The following NBPF10 variants were observed in gnomAD, a reference collection of about 807,000 sequenced individuals.
NBPF10 encodes the protein NBPF member 10.
A neutral mutation model predicts 77.9 loss-of-function variants in NBPF10; 63 were observed. The observed-to-expected ratio is 0.81, with a 90% confidence interval of 0.66 to 1.00. The LOEUF is 1.00. Among genes scored for constraint, NBPF10 ranks in the 50% least tolerant of loss-of-function variants. NBPF10 has a pLI of 0.00. For missense variants in NBPF10, 522 were observed against 679.8 expected (o/e 0.77, Z 2.58); for synonymous variants, 146 against 264.5 (o/e 0.55, Z 4.35).
At chr1:146,134,345 C>G (rs1659490651) in intron 8 of NBPF10, 80 bp from the exon 9 acceptor site, 1 of 1,191,682 alleles carries the variant, frequency 8.4e-7, no homozygotes, top group Admixed American at 1.8e-5. Context: ...GCAACAGAGA[C>G]ATGAACATCT....
Position 146,139,092 on chromosome 1 carries a change from CTTTTTTTTTTTTT to C in NBPF10, c.779-660_779-648del, listed in dbSNP as rs782186835. On this transcript the variant is annotated intron_variant, in intron 5 of 89. Coordinates refer to ENST00000583866, the Ensembl canonical transcript of NBPF10. ...GCCAGCGCCCCTGGTCAGAGACTTA[CTTTTTTTTTTTTT>C]TTTTTTTTTTTTGAGATGGAGTCTC... Among the ~76,000 whole-genome samples the C allele has an allele frequency of 1.3e-4, 11 of 82,440 alleles. No homozygotes were observed. The South Asian group carries it at 5.0e-3, about 38-fold the overall frequency. 54.1% of individuals were successfully genotyped at this position (82,440 alleles called of 152,430 possible). A position where few individuals can be genotyped will look rare whatever the true frequency, so the allele number is the denominator to read the frequency against.
intron 89 of NBPF10, 81 bp downstream of exon 89, chr1:146,067,099 T>A: frequency 1.6e-6 from 1 of 622,512 alleles, no homozygotes; most frequent in South Asian, 1.6e-5. Flanking sequence ...AAACATGTCA[T>A]CAAACACACT....
At position 146,135,076 on chromosome 1, in the gene NBPF10, G is replaced by A. The variant is rs376088396; in HGVS notation, c.1306+231C>T. Among the ~76,000 whole-genome samples the A allele has an allele frequency of 2.0e-4, 21 of 102,914 alleles. 3 individuals carry two copies. Among genetic ancestry groups the A allele is most frequent in the Non-Finnish European group, 3.0e-4 (16 of 53,096 alleles). The allele number at this position is 102,914 out of a possible 152,430, so 67.5% of individuals were successfully genotyped here. On this transcript the variant is annotated intron_variant, in intron 8 of 89. Transcript: ENST00000583866. ...TAAAACTAGACAGATGCTGCCTCTT[G>A]CTCCAAAGACCACCTTTCATCAAGG...
chr1:146,109,301 AAGACAGAT>A (rs1359660648), intron 35 of NBPF10, among the ~76,000 whole-genome samples, 187 bp from the exon 36 acceptor site: 12 of 101,484 alleles, frequency 1.2e-4, no homozygotes, highest in African/African-American at 3.7e-4. Flanking sequence ...ATGAAAGAGA[AAGACAGAT>A]AGACACACAC....
At chr1:146,139,239 A>T (rs1449537174) in intron 5 of NBPF10, among the ~76,000 whole-genome samples, 1 of 147,796 alleles carries the variant, frequency 6.8e-6, no homozygotes, top group Non-Finnish European at 1.5e-5. Context: ...AGCTGGGACT[A>T]CAGGCGCCCA....
At chr1:146,139,300 G>T (rs1316332311) in intron 5 of NBPF10, among the ~76,000 whole-genome samples, 1 of 150,736 alleles carries the variant, frequency 6.6e-6, no homozygotes, top group Non-Finnish European at 1.5e-5. Flanking sequence ...TAGTAAAGAC[G>T]GGGTTTCACC....
At chr1:146,125,809 C>A (rs1479210929) in intron 14 of NBPF10, among the ~76,000 whole-genome samples, 2 of 148,550 alleles carry the variant, frequency 1.3e-5, no homozygotes, top group Non-Finnish European at 3.0e-5. Flanking sequence ...AAAGCAAATG[C>A]CCCCAAATGG....
intron 89 of NBPF10, among the ~76,000 whole-genome samples, chr1:146,066,815 G>A (rs1333471769): frequency 2.0e-5 from 3 of 151,880 alleles, no homozygotes; most frequent in Non-Finnish European, 4.4e-5. Context: ...TAGTGAATTG[G>A]CCAGGTGACA....
In NBPF10 at chr1:146,142,539, A is replaced by G. The variant is rs587618518; in HGVS notation, c.278+111T>C. The stretch of plus-strand genomic sequence containing the variant: ...TGTGTGTCATGAGCCTGCCATGGCA[A>G]TTTCTGCCCTTCCCCTGGCCCAGCT... On this transcript the variant is annotated intron_variant, in intron 2 of 89. Transcript: ENST00000583866. 4.7e-5 allele frequency: 29 copies of G among 618,172 alleles called. 7 individuals are homozygous for G. The highest frequency in any genetic ancestry group is 7.9e-5 in the Non-Finnish European group (27 of 343,890). 38.3% of individuals were successfully genotyped at this position (618,172 alleles called of 1,614,324 possible).
At chr1:146,121,896 G>A (rs1448778345) in intron 19 of NBPF10, among the ~76,000 whole-genome samples, 7 of 149,132 alleles carry the variant, frequency 4.7e-5, no homozygotes, top group African/African-American at 1.8e-4. Context: ...CAGAGACAGA[G>A]AGAAAGTGAC....
chr1:146,142,814 C>G lies in NBPF10; in HGVS notation c.176-62G>C, dbSNP rs1660439867. The G allele has an allele frequency of 3.1e-6, 3 of 983,428 alleles. 1 individual carries two copies. In the East Asian group the frequency reaches 9.0e-5, roughly 29 times the overall value. 60.9% of individuals were successfully genotyped at this position (983,428 alleles called of 1,614,324 possible). On this transcript the variant is annotated intron_variant, in intron 1 of 89. Transcript: ENST00000583866. ...CTGGACATGCTGCTGTGGTCACTGC[C>G]TACAGGGCAGGAGCCAGGTCCATCC...
At chr1:146,136,661 CTCAAGGGCACA>C (rs1482954595) in intron 6 of NBPF10, among the ~76,000 whole-genome samples, 1 of 143,962 alleles carries the variant, frequency 6.9e-6, no homozygotes, top group African/African-American at 2.9e-5. Flanking sequence ...GAAAGAGAAC[CTCAAGGGCACA>C]TCAAGGAAGT....
chr1:146,125,255 G>T, intron 15 of NBPF10, among the ~76,000 whole-genome samples: 1 of 31,958 alleles, frequency 3.1e-5, no homozygotes, highest in East Asian at 5.5e-4. Flanking sequence ...AGCCTTTGAG[G>T]TATGGTCAAC....
Position 146,069,633 on chromosome 1 carries a change from A to C in NBPF10, c.10720T>G (p.Cys3574Gly), listed in dbSNP as rs587599645. The change falls in exon 86 of 90, where the codon TGT (cysteine) becomes GGT (glycine). Residue 3574 changes from cysteine to glycine, a missense_variant. Cys to Gly is a radical substitution (Grantham distance 159, BLOSUM62 -3). Coordinates refer to ENST00000583866, the Ensembl canonical transcript of NBPF10. Reference sequence around the variant, plus strand: ...TGGCATGAGTCACACAGTTCAAGACAACCTGAAGGAGTTGAATAACATCTA... The same window carrying C: ...TGGCATGAGTCACACAGTTCAAGACCACCTGAAGGAGTTGAATAACATCTA... The C allele has an allele frequency of 9.6e-3, 14,955 of 1,558,576 alleles. 179 individuals are homozygous for C. The highest frequency in any genetic ancestry group is 0.012 in the Non-Finnish European group (13,277 of 1,146,712).
intron 5 of NBPF10, among the ~76,000 whole-genome samples, chr1:146,139,193 G>A (rs1162874426): frequency 6.8e-6 from 1 of 146,718 alleles, no homozygotes; most frequent in Non-Finnish European, 1.5e-5. Context: ...TCCGGTTCCT[G>A]GGTTCATGCC....
intron 13 of NBPF10, 41 bp from the exon 14 acceptor site, chr1:146,126,449 T>A: frequency 6.0e-6 from 5 of 839,168 alleles, no homozygotes; most frequent in East Asian, 4.9e-5. Context: ...CCAGGGGGAA[T>A]CAGAAACCAC....
Position 146,067,988 on chromosome 1 carries a change from C to A in NBPF10, c.11035+15G>T. ...ACCAGGTGGAGGCTTATCACCTTCA[C>A]AGTAAGGTACTCACTGTCCACGTCA... On this transcript the variant is annotated intron_variant, in intron 88 of 89. Transcript: ENST00000583866. 6.2e-6 allele frequency: 3 copies of A among 481,122 alleles called. No homozygotes were observed. The highest frequency in any genetic ancestry group is 1.1e-5 in the Non-Finnish European group (3 of 276,494). The allele number at this position is 481,122 out of a possible 1,614,324, so 29.8% of individuals were successfully genotyped here.
At chr1:146,066,555 G>A (rs200156319) in exon 90 of NBPF10, 136 of 695,134 alleles carry the variant, frequency 2.0e-4, no homozygotes, top group Admixed American at 6.9e-4. Flanking sequence ...TCAGCACGCC[G>A]TTGAGCCTGG....
At chr1:146,136,255 C>T in intron 7 of NBPF10, 98 bp downstream of exon 7, 1 of 891,006 alleles carries the variant, frequency 1.1e-6, no homozygotes, top group Non-Finnish European at 1.8e-6. Flanking sequence ...CCTGCCCTTC[C>T]CCTGGCCCAG....
Sources: allele counts gnomAD v4.1 joint callset (sites outside exome capture counted in the v4.1 genomes callset), GRCh38; gene constraint gnomAD v4.1.1; transcripts MANE v1.5; gene names NCBI Gene and HGNC (gene_info 2026-07-23, HGNC 2026-07-21).